The following LY86 variants were observed in gnomAD, a reference collection of about 807,000 sequenced individuals.
LY86 encodes the protein MD-1, RP105-associated.
In LY86, 20 loss-of-function variants were observed where a neutral mutation model predicts 17.3. The ratio of observed to expected loss-of-function variants is 1.15; its 90% CI spans 0.81 to 1.68. The LOEUF (loss-of-function observed/expected upper bound fraction) is 1.68. LY86 is among the 40% of genes most tolerant of loss of function. The pLI, the probability that LY86 is intolerant of heterozygous loss-of-function variation, is 0.00. For missense variants in LY86, 200 were observed against 191.9 expected (o/e 1.04, Z -0.25); for synonymous variants, 74 against 70.6 (o/e 1.05, Z -0.24).
chr6:6,591,833 G>C (rs1760539281), intron 1 of LY86, among the ~76,000 whole-genome samples: 1 of 152,196 alleles, frequency 6.6e-6, no homozygotes, highest in Admixed American at 6.5e-5. Context: ...ACTAAAGGAG[G>C]GGTGAGAGGA....
intron 1 of LY86, among the ~76,000 whole-genome samples, chr6:6,590,167 A>T (rs1490939980): frequency 5.3e-5 from 8 of 149,672 alleles, no homozygotes; most frequent in African/African-American, 1.5e-4. Context: ...ATACAGTCAC[A>T]TTCTAAGATA....
At position 6,654,090 on chromosome 6, in the gene LY86, C is replaced by G. The variant is rs145101544; in HGVS notation, c.406-454C>G. 1.9e-3 allele frequency among the ~76,000 whole-genome samples: 294 copies of G among 152,312 alleles called. 3 individuals are homozygous for G. The highest frequency in any genetic ancestry group is 5.5e-3 in the African/African-American group (228 of 41,548). ...CTGTGTTGCCCTTACCTCACCCCCC[C>G]CATCCCCCCACTCCCTGCAGCCCCA... On this transcript the variant is annotated intron_variant, in intron 4 of 4. Transcript: ENST00000230568.
rs575038708 is a variant in LY86, at chr6:6,606,383, C to A, written c.136+17513C>A. Among the ~76,000 whole-genome samples the A allele has an allele frequency of 2.0e-3, 304 of 152,334 alleles. 1 individual carries two copies. The highest frequency in any genetic ancestry group is 7.2e-3 in the African/African-American group (299 of 41,580). On this transcript the variant is annotated intron_variant, in intron 1 of 4. Coordinates refer to ENST00000230568, the MANE Select transcript of LY86 (RefSeq NM_004271.4). ...ACATAAAGGTTCTCCAAGTCCCCCC[C>A]AGACTCAGGATCCCAGCTGGCTTCA...
intron 1 of LY86, among the ~76,000 whole-genome samples, chr6:6,600,587 C>CAAAAAAAAAAAAAAAAAAAAAAAA (rs59560744): frequency 1.2e-5 from 1 of 82,450 alleles, no homozygotes; most frequent in Non-Finnish European, 2.3e-5. Flanking sequence ...GAGACTCCAT[C>CAAAAAAAAAAAAAAAAAAAAAAAA]AAAAAAAAAA....
At chr6:6,624,011 G>C (rs1457444670) in intron 1 of LY86, among the ~76,000 whole-genome samples, 8 of 152,184 alleles carry the variant, frequency 5.3e-5, no homozygotes. Context: ...ATATATGGGG[G>C]CAGGGAAGCC....
At position 6,651,824 on chromosome 6, in the gene LY86, G is replaced by T. The variant is rs563549322; in HGVS notation, c.405+2147G>T. ...TAACCCCAGCACTTTCGGAGGCCGA[G>T]GCAGACAGATCACTTGAGGTTGGAA... On this transcript the variant is annotated intron_variant, in intron 4 of 4. Transcript: ENST00000230568. 1.2e-4 allele frequency among the ~76,000 whole-genome samples: 18 copies of T among 152,100 alleles called. No individual in the cohort carries two copies. The South Asian group carries it at 3.7e-3, about 32-fold the overall frequency.
intron 1 of LY86, among the ~76,000 whole-genome samples, chr6:6,599,688 G>A (rs1014525851): frequency 6.6e-6 from 1 of 152,322 alleles, no homozygotes; most frequent in South Asian, 2.1e-4. Context: ...CAGGCAGACG[G>A]GGTTCCCTTA....
intron 3 of LY86, among the ~76,000 whole-genome samples, chr6:6,634,877 A>G (rs1761940870): frequency 6.6e-6 from 1 of 152,224 alleles, no homozygotes; most frequent in South Asian, 2.1e-4. Context: ...TTTACTGCCT[A>G]GATTTGGAAA....
intron 3 of LY86, 93 bp downstream of exon 3, chr6:6,626,514 T>G: frequency 1.7e-5 from 24 of 1,410,882 alleles, no homozygotes; most frequent in Non-Finnish European, 2.3e-5. Context: ...ACCAGAGCTC[T>G]GTCTCTGCCC....
At position 6,588,733 on chromosome 6, in the gene LY86, C is replaced by A. The variant is rs142081955; in HGVS notation, c.-2C>A. 1.8e-5 allele frequency: 29 copies of A among 1,613,972 alleles called. No individual in the cohort carries two copies. In the African/African-American group the frequency reaches 3.6e-4, roughly 20 times the overall value. On this transcript the variant is annotated 5_prime_UTR_variant, in exon 1 of 5. Coordinates refer to ENST00000230568, the MANE Select transcript of LY86 (RefSeq NM_004271.4). ...TCTGTGTGTCCCATACAGGCCCCCACCATGAAGGGTTTCACAGCCACTCTC... is the reference window on the plus strand; with the variant it reads ...TCTGTGTGTCCCATACAGGCCCCCAACATGAAGGGTTTCACAGCCACTCTC...
chr6:6,612,290 G>A (rs1399287308), intron 1 of LY86, among the ~76,000 whole-genome samples: 1 of 152,164 alleles, frequency 6.6e-6, no homozygotes, highest in Non-Finnish European at 1.5e-5. Context: ...CTTTCTCGTG[G>A]GTTAGTGGCC....
intron 3 of LY86, among the ~76,000 whole-genome samples, chr6:6,638,604 T>C (rs2113154059): frequency 6.6e-6 from 1 of 152,236 alleles, no homozygotes; most frequent in Non-Finnish European, 1.5e-5. Flanking sequence ...TTCCCATTTT[T>C]GTGGAATGTT....
At chr6:6,624,298 A>G (rs985500104) in intron 1 of LY86, among the ~76,000 whole-genome samples, 1 of 147,540 alleles carries the variant, frequency 6.8e-6, no homozygotes. Flanking sequence ...AGAAAATATT[A>G]TCTTTATAGC....
At chr6:6,596,534 G>A (rs1053896556) in intron 1 of LY86, among the ~76,000 whole-genome samples, 29 of 152,218 alleles carry the variant, frequency 1.9e-4, no homozygotes, top group Non-Finnish European at 8.8e-5. Flanking sequence ...TTTAGGAAAA[G>A]TAGACAAATA....
chr6:6,641,978 G>A (rs961755464), intron 3 of LY86, among the ~76,000 whole-genome samples: 5 of 152,224 alleles, frequency 3.3e-5, no homozygotes, highest in African/African-American at 9.6e-5. Context: ...TCAGGGTCAG[G>A]AGGCTTCAGG....
At chr6:6,621,508 C>T (rs1761673067) in intron 1 of LY86, 1 of 152,284 alleles carries the variant, frequency 6.6e-6, no homozygotes, top group South Asian at 2.1e-4. Flanking sequence ...GCAGTGATCG[C>T]CACCAGGGGT....
chr6:6,593,633 T>C (rs1017004305), intron 1 of LY86, among the ~76,000 whole-genome samples: 1 of 152,242 alleles, frequency 6.6e-6, no homozygotes, highest in African/African-American at 2.4e-5. Context: ...GATTGAGGTA[T>C]AATAGACTCT....
At chr6:6,643,277 G>A (rs961694162) in intron 3 of LY86, among the ~76,000 whole-genome samples, 3 of 152,138 alleles carry the variant, frequency 2.0e-5, no homozygotes, top group African/African-American at 4.8e-5. Context: ...AAACAACAGC[G>A]ACAGATGAAT....
intron 1 of LY86, among the ~76,000 whole-genome samples, chr6:6,606,479 C>G (rs1294413429): frequency 6.6e-6 from 1 of 152,232 alleles, no homozygotes; most frequent in Non-Finnish European, 1.5e-5. Context: ...CCGCACTCCT[C>G]AGCCCTTGGG....
Sources: allele counts gnomAD v4.1 joint callset (sites outside exome capture counted in the v4.1 genomes callset), GRCh38; gene constraint gnomAD v4.1.1; transcripts MANE v1.5; gene names NCBI Gene and HGNC (gene_info 2026-07-23, HGNC 2026-07-21).